Variants in MDGA2 observed in about 807,000 individuals in gnomAD.
MDGA2 encodes the protein MAM domain containing glycosylphosphatidylinositol anchor 2.
Under a neutral mutation model 117.8 loss-of-function variants are expected in MDGA2, and 40 were observed. The ratio of observed to expected loss-of-function variants is 0.34; its 90% CI spans 0.26 to 0.44. The LOEUF is 0.44. Among genes scored for constraint, MDGA2 ranks in the 20% least tolerant of loss-of-function variants. The pLI, the probability that MDGA2 is intolerant of heterozygous loss-of-function variation, is 1.00. For missense variants in MDGA2, 1,123 were observed against 1,250.6 expected, an observed-to-expected ratio of 0.90 and a Z score of 1.54; for synonymous variants, 452 against 439.0, an observed-to-expected ratio of 1.03 and a Z score of -0.37.
intron 14 of MDGA2, among the ~76,000 whole-genome samples, chr14:46,867,421 C>T (rs3007092): frequency 1 from 151,089 of 151,354 alleles, 75,413 homozygotes; most frequent in Middle Eastern, 1. Flanking sequence ...AGGTATAGCA[C>T]TGGGAGATAT....
intron 8 of MDGA2, among the ~76,000 whole-genome samples, chr14:46,981,984 C>T (rs920361762): frequency 1.3e-5 from 2 of 152,166 alleles, no homozygotes; most frequent in African/African-American, 4.8e-5. Context: ...CAACTTAGAG[C>T]TTCAGAAGTT....
intron 2 of MDGA2, among the ~76,000 whole-genome samples, chr14:47,294,033 T>C (rs190762548): frequency 2.7e-4 from 41 of 151,244 alleles, no homozygotes; most frequent in African/African-American, 9.4e-4. Context: ...AAGATGTACA[T>C]CACCTGGAGA....
At chr14:47,293,888 C>A (rs1226840109) in intron 2 of MDGA2, among the ~76,000 whole-genome samples, 2 of 151,932 alleles carry the variant, frequency 1.3e-5, no homozygotes, top group Non-Finnish European at 1.5e-5. Flanking sequence ...AAAGTGTTGA[C>A]CCCAAAAAGC....
intron 5 of MDGA2, among the ~76,000 whole-genome samples, chr14:47,110,703 TA>T (rs1880991488): frequency 6.6e-6 from 1 of 152,188 alleles, no homozygotes. Context: ...TTTGCTCTTC[TA>T]AAAAGTGAGA....
chr14:47,641,249 G>A (rs1403895961), intron 1 of MDGA2, among the ~76,000 whole-genome samples: 1 of 152,032 alleles, frequency 6.6e-6, no homozygotes, highest in Non-Finnish European at 1.5e-5. Context: ...ATTCCTAAAT[G>A]ACCACGTCTG....
At chr14:46,987,084 A>T (rs1210271342) in intron 8 of MDGA2, among the ~76,000 whole-genome samples, 3 of 152,148 alleles carry the variant, frequency 2.0e-5, no homozygotes, top group Non-Finnish European at 4.4e-5. Flanking sequence ...ACAGTTCATG[A>T]TAGTGACACT....
intron 1 of MDGA2, among the ~76,000 whole-genome samples, chr14:47,599,198 A>G (rs1356700362): frequency 6.6e-6 from 1 of 152,112 alleles, no homozygotes; most frequent in Non-Finnish European, 1.5e-5. Context: ...TCTGTAATTG[A>G]GTCAATGATT....
chr14:47,452,181 C>T (rs1244851593), intron 1 of MDGA2, among the ~76,000 whole-genome samples: 1 of 151,888 alleles, frequency 6.6e-6, no homozygotes, highest in African/African-American at 2.4e-5. Flanking sequence ...TCAGTGCCCT[C>T]CCCCACCACA....
chr14:46,998,461 G>C (rs759798370), intron 8 of MDGA2, among the ~76,000 whole-genome samples: 1 of 151,974 alleles, frequency 6.6e-6, no homozygotes, highest in African/African-American at 2.4e-5. Context: ...AAGCTAAGTA[G>C]GCTAAATAAA....
intron 3 of MDGA2, among the ~76,000 whole-genome samples, chr14:47,175,616 C>A (rs1318531079): frequency 6.6e-6 from 1 of 152,020 alleles, no homozygotes; most frequent in Non-Finnish European, 1.5e-5. Flanking sequence ...ATGCTAAAAA[C>A]TCTCAATAAA....
intron 1 of MDGA2, among the ~76,000 whole-genome samples, chr14:47,613,505 A>ACACACACG (rs1896893016): frequency 6.6e-6 from 1 of 150,764 alleles, no homozygotes; most frequent in South Asian, 2.1e-4. Context: ...ACACACACAC[A>ACACACACG]CGCACACGCA....
intron 1 of MDGA2, among the ~76,000 whole-genome samples, chr14:47,456,021 A>T (rs1050839817): frequency 1.1e-4 from 16 of 151,952 alleles, no homozygotes; most frequent in Non-Finnish European, 1.5e-4. Context: ...AATAAAATAA[A>T]ATAAAATAAA....
chr14:47,137,616 T>C lies in MDGA2; in HGVS notation c.793-5770A>G, dbSNP rs528794548. On this transcript the variant is annotated intron_variant, in intron 4 of 16. Coordinates refer to ENST00000399232, the MANE Select transcript of MDGA2 (RefSeq NM_001113498.3). The stretch of plus-strand genomic sequence containing the variant: ...GCATGAAGCCCTCACCAGACGCAGA[T>C]GCCACATCATGCTTCCTGTACAGTC... Among the ~76,000 whole-genome samples the C allele has an allele frequency of 1.1e-4, 16 of 152,294 alleles. No individual in the cohort carries two copies. In the South Asian group the frequency reaches 1.4e-3, roughly 14 times the overall value.
chr14:47,526,770 C>T (rs1313356392), intron 1 of MDGA2, among the ~76,000 whole-genome samples: 4 of 152,138 alleles, frequency 2.6e-5, no homozygotes, highest in African/African-American at 9.7e-5. Flanking sequence ...TCTCTCTCTC[C>T]AACCCAGCAA....
chr14:46,921,303 T>A (rs1249367799), intron 9 of MDGA2, among the ~76,000 whole-genome samples: 2 of 152,116 alleles, frequency 1.3e-5, no homozygotes, highest in Non-Finnish European at 2.9e-5. Flanking sequence ...TTTTTTTCTT[T>A]CTTTTAATTA....
intron 9 of MDGA2, among the ~76,000 whole-genome samples, chr14:46,944,550 A>C (rs548972240): frequency 4.0e-5 from 6 of 151,854 alleles, no homozygotes; most frequent in African/African-American, 1.2e-4. Flanking sequence ...TTCTCACTCT[A>C]TTTCAGAACT....
chr14:46,983,180 A>G (rs1458472471), intron 8 of MDGA2, among the ~76,000 whole-genome samples: 2 of 152,164 alleles, frequency 1.3e-5, no homozygotes, highest in African/African-American at 4.8e-5. Context: ...GCACACTCCT[A>G]AAGAAATATT....
chr14:47,174,428 C>G (rs1254352248), intron 3 of MDGA2, among the ~76,000 whole-genome samples: 1 of 152,084 alleles, frequency 6.6e-6, no homozygotes, highest in East Asian at 1.9e-4. Context: ...TCTAAAAGAA[C>G]AGAAATTATA....
intron 1 of MDGA2, among the ~76,000 whole-genome samples, chr14:47,448,717 C>T (rs1203553842): frequency 1.3e-5 from 2 of 152,058 alleles, no homozygotes; most frequent in Non-Finnish European, 2.9e-5. Flanking sequence ...GTTCCTTATG[C>T]TGCAAATTAT....
Sources: allele counts gnomAD v4.1 joint callset (sites outside exome capture counted in the v4.1 genomes callset), GRCh38; gene constraint gnomAD v4.1.1; transcripts MANE v1.5; gene names NCBI Gene and HGNC (gene_info 2026-07-23, HGNC 2026-07-21).